Variants in STK3 observed in about 807,000 individuals in gnomAD.
STK3 encodes the protein serine/threonine kinase 3, also known as serine/threonine-protein kinase 3.
Under a neutral mutation model 58.0 loss-of-function variants are expected in STK3, and 41 were observed. The observed-to-expected ratio is 0.71, with a 90% CI of 0.55 to 0.92. The LOEUF (loss-of-function observed/expected upper bound fraction) is 0.92, where lower values mean the gene tolerates loss of function less well. Ranked by LOEUF, STK3 falls within the 40% of genes least tolerant of loss-of-function variation. The pLI is 0.00. For synonymous variants in STK3, 170 were observed against 191.0 expected (o/e 0.89, Z 0.91); for missense variants, 479 against 602.7 (o/e 0.79, Z 2.15).
chr8:98,620,558 A>T (rs983896034), intron 6 of STK3, among the ~76,000 whole-genome samples: 1 of 151,312 alleles, frequency 6.6e-6, no homozygotes, highest in East Asian at 1.9e-4. Flanking sequence ...AAAAAAATAC[A>T]CTAAACCGAA....
intron 3 of STK3, chr8:98,427,903 G>C (rs1416674114): frequency 2.3e-6 from 3 of 1,285,858 alleles, no homozygotes; most frequent in African/African-American, 3.0e-5. Flanking sequence ...CAGGGCGCAC[G>C]GCGCTCTCGC....
intron 10 of STK3, among the ~76,000 whole-genome samples, chr8:98,507,381 CTCATAT>C (rs1157017350): frequency 2.6e-5 from 4 of 152,200 alleles, no homozygotes; most frequent in Non-Finnish European, 5.9e-5. Flanking sequence ...ATCTTTCATT[CTCATAT>C]TCAGTCAGTT....
intron 1 of STK3, among the ~76,000 whole-genome samples, chr8:98,898,186 G>T (rs969363186): frequency 6.6e-6 from 1 of 152,254 alleles, no homozygotes; most frequent in South Asian, 2.1e-4. Context: ...GGACTTCCCA[G>T]TCATGGCCTG....
At chr8:98,730,734 AAAAAC>A (rs1315181899) in intron 4 of STK3, among the ~76,000 whole-genome samples, 1 of 151,754 alleles carries the variant, frequency 6.6e-6, no homozygotes, top group Non-Finnish European at 1.5e-5. Context: ...AAAAAAAAAA[AAAAAC>A]ACCTGTGTGG....
At chr8:98,375,873 ATAT>A (rs1407504991) in intron 2 of STK3, among the ~76,000 whole-genome samples, 3 of 152,170 alleles carry the variant, frequency 2.0e-5, no homozygotes, top group African/African-American at 7.2e-5. Context: ...TTATTATATG[ATAT>A]TATAAATATT....
chr8:98,565,689 AAC>A (rs1812415777), intron 8 of STK3, among the ~76,000 whole-genome samples: 1 of 152,136 alleles, frequency 6.6e-6, no homozygotes, highest in South Asian at 2.1e-4. Flanking sequence ...GCTCCTTGGT[AAC>A]AACAAAATGT....
At chr8:98,758,100 G>A (rs1830409443) in intron 3 of STK3, among the ~76,000 whole-genome samples, 1 of 152,216 alleles carries the variant, frequency 6.6e-6, no homozygotes, top group Non-Finnish European at 1.5e-5. Context: ...AGATATTGCA[G>A]GTTTGATTCC....
chr8:98,389,571 A>C (rs1817826881), upstream of STK3, among the ~76,000 whole-genome samples: 1 of 152,076 alleles, frequency 6.6e-6, no homozygotes, highest in Non-Finnish European at 1.5e-5. Context: ...CTGAAGGATG[A>C]CTGCTACCAG....
chr8:98,555,562 G>A (rs529225922), intron 8 of STK3, among the ~76,000 whole-genome samples: 1 of 151,974 alleles, frequency 6.6e-6, no homozygotes, highest in Non-Finnish European at 1.5e-5. Flanking sequence ...TAACAGCATA[G>A]TATCAGTATC....
chr8:98,613,211 T>C (rs1233286398), intron 6 of STK3, among the ~76,000 whole-genome samples: 1 of 152,206 alleles, frequency 6.6e-6, no homozygotes, highest in Non-Finnish European at 1.5e-5. Flanking sequence ...ATGAGCTCCC[T>C]TCCCCTCTTA....
Position 98,740,121 on chromosome 8 carries a change from G to C in STK3, c.351+9155C>G, listed in dbSNP as rs142888624. ...AAAAGACCAGATCTTCGTCTCACTG[G>C]TGTACCTGAAAGTGACGGGGAGAAT... On this transcript the variant is annotated intron_variant, in intron 4 of 10. Transcript: ENST00000419617. Among the ~76,000 whole-genome samples, 433 of 152,306 alleles carry C rather than the reference G, an allele frequency of 2.8e-3. 4 individuals are homozygous for C. Among genetic ancestry groups the C allele is most frequent in the African/African-American group, 9.6e-3 (401 of 41,558 alleles).
At chr8:98,477,716 GT>G (rs1563642941) in intron 10 of STK3, among the ~76,000 whole-genome samples, 19 of 65,766 alleles carry the variant, frequency 2.9e-4, no homozygotes, top group Non-Finnish European at 3.7e-4. Context: ...GGGGGGGGGG[GT>G]GGGCGGGGGG....
In STK3 at chr8:98,618,080, C is replaced by A. The variant is rs529981137; in HGVS notation, c.685-21911G>T. Among the ~76,000 whole-genome samples the A allele has an allele frequency of 8.2e-3, 1,239 of 151,460 alleles. 11 individuals are homozygous for A. The highest frequency in any genetic ancestry group is 0.012 in the Non-Finnish European group (785 of 67,786). On this transcript the variant is annotated intron_variant, in intron 6 of 10. Transcript: ENST00000419617. The stretch of plus-strand genomic sequence containing the variant: ...AAATCCTCAATAAAATACTGGCAAA[C>A]CGAATCCAGCAGCACATCAAAAAGC...
intron 2 of STK3, among the ~76,000 whole-genome samples, chr8:98,376,440 A>G (rs572027577): frequency 2.6e-5 from 4 of 152,356 alleles, no homozygotes; most frequent in South Asian, 2.1e-4. Flanking sequence ...AGTCCAACTC[A>G]TCATTTATAA....
At chr8:98,449,843 C>T (rs1819120267), downstream of STK3, among the ~76,000 whole-genome samples, 2 of 152,094 alleles carry the variant, frequency 1.3e-5, no homozygotes, top group African/African-American at 4.8e-5. Flanking sequence ...AGTGAATGGG[C>T]TATTCTAAAG....
chr8:98,579,473 T>C (rs1045820145), intron 8 of STK3, among the ~76,000 whole-genome samples, 191 bp downstream of exon 8: 1 of 152,332 alleles, frequency 6.6e-6, no homozygotes, highest in East Asian at 1.9e-4. Context: ...TACATTCCAC[T>C]AATCACTAAT....
At chr8:98,349,411 C>T in the STK3 span, among the ~76,000 whole-genome samples, 1 of 152,206 alleles carries the variant, frequency 6.6e-6, no homozygotes, top group Non-Finnish European at 1.5e-5. Flanking sequence ...CTCCCAGCTG[C>T]TTTCACAGGG....
Position 98,455,924 on chromosome 8 carries a change from T to C in STK3, c.1394A>G (p.Glu465Gly). Reference sequence around the variant, plus strand: ...TTTCGCAGTGTATCTCTGACGAAGTTCTTCTATCTCCCGTTCCATCATGGG... The same window carrying C: ...TTTCGCAGTGTATCTCTGACGAAGTCCTTCTATCTCCCGTTCCATCATGGG... The part of the protein sequence containing the change: ...LDPMMEREIE[E>G]LRQRYTAKRQ... Residue 465 changes from glutamate (E) to glycine (G), a missense_variant, in exon 11 of 11, where the codon GAA becomes GGA. Around this residue, in one of 3 missense-constraint regions of STK3, gnomAD observed 309 missense variants for 355.7 expected, o/e 0.87. Transcript: ENST00000419617. 6.2e-7 allele frequency: 1 copy of C among 1,613,628 alleles called. No individual in the cohort carries two copies. The highest frequency in any genetic ancestry group is 8.5e-7 in the Non-Finnish European group (1 of 1,179,774).
chr8:98,466,276 T>C (rs565381649), intron 10 of STK3, among the ~76,000 whole-genome samples: 2 of 152,334 alleles, frequency 1.3e-5, no homozygotes, highest in East Asian at 3.9e-4. Flanking sequence ...TATCTGTAAC[T>C]AGCTTACTGG....
Sources: allele counts gnomAD v4.1 joint callset (sites outside exome capture counted in the v4.1 genomes callset), GRCh38; gene constraint gnomAD v4.1.1; regional missense constraint gnomAD v4.1.1; transcripts MANE v1.5; gene names NCBI Gene and HGNC (gene_info 2026-07-23, HGNC 2026-07-21).